BCAS3: variants seen among roughly 807,000 people sequenced by gnomAD.
BCAS3 encodes BCAS4/BCAS3 fusion.
A neutral mutation model predicts 116.1 loss-of-function variants in BCAS3; 53 were observed. The observed-to-expected ratio is 0.46, with a 90% CI of 0.37 to 0.57. The LOEUF (loss-of-function observed/expected upper bound fraction) is 0.57. Among genes scored for constraint, BCAS3 ranks in the 20% least tolerant of loss-of-function variants. The pLI, the probability that BCAS3 is intolerant of heterozygous loss-of-function variation, is 0.00. For synonymous variants in BCAS3, 391 were observed against 408.2 expected, an observed-to-expected ratio of 0.96 and a Z score of 0.51; for missense variants, 917 against 1,165.4, an observed-to-expected ratio of 0.79 and a Z score of 3.10.
At chr17:60,729,668 G>A (rs766940586) in intron 5 of BCAS3, among the ~76,000 whole-genome samples, 4 of 152,056 alleles carry the variant, frequency 2.6e-5, no homozygotes, top group Non-Finnish European at 5.9e-5. Flanking sequence ...TAATCAATGG[G>A]TTAAATCAAG....
In BCAS3 at chr17:61,037,738, C is replaced by A; in HGVS notation, c.1763-151C>A. 1 of 778,576 alleles carries A rather than the reference C, an allele frequency of 1.3e-6. No homozygotes were observed. The highest frequency in any genetic ancestry group is 1.9e-6 in the Non-Finnish European group (1 of 519,736). 48.2% of individuals were successfully genotyped at this position (778,576 alleles called of 1,614,324 possible). ...GGCAGCAAGAGCAAAACTCCATCTC[C>A]AAAAAAAAGAAAAAAAGAAAAAAAT... is the stretch of plus-strand genomic sequence containing the variant. On this transcript the variant is annotated intron_variant, in intron 17 of 23. Transcript: ENST00000407086. The surrounding 1 kb of genome is among the most constrained non-coding windows in gnomAD (Gnocchi z 4.7).
chr17:61,146,590 G>T (rs191523063), intron 22 of BCAS3, among the ~76,000 whole-genome samples: 8 of 152,180 alleles, frequency 5.3e-5, no homozygotes, highest in African/African-American at 1.9e-4. Context: ...TTTCAAAATG[G>T]AACTAAAATT....
intron 13 of BCAS3, among the ~76,000 whole-genome samples, chr17:60,939,149 G>A (rs1019451485): frequency 7.2e-5 from 11 of 152,168 alleles, no homozygotes; most frequent in African/African-American, 2.7e-4. Flanking sequence ...ACTAGAAACA[G>A]GCCAGGTGCG....
intron 13 of BCAS3, among the ~76,000 whole-genome samples, chr17:60,931,433 A>G (rs1229593356): frequency 1.3e-5 from 2 of 151,712 alleles, no homozygotes; most frequent in Non-Finnish European, 2.9e-5. Context: ...GTGCCACCAC[A>G]CCTTGCTAAT....
rs2067536719 is a variant in BCAS3, at chr17:61,041,847, C to T, written c.2029+955C>T. ...TCTCATATTATTGTTGAACTCTCTG[C>T]TTTTTCTAGGGCATTTTTATTGAGT... On this transcript the variant is annotated intron_variant, in intron 19 of 23. Coordinates refer to ENST00000407086, the MANE Select transcript of BCAS3 (RefSeq NM_017679.5). This position sits in a 1 kb window ranked among gnomAD's most constrained non-coding sequence, Gnocchi z 4.7. 6.6e-6 allele frequency among the ~76,000 whole-genome samples: 1 copy of T among 151,996 alleles called. No individual in the cohort carries two copies. The highest frequency in any genetic ancestry group is 2.1e-4 in the South Asian group (1 of 4,816).
At position 61,365,894 on chromosome 17, in the gene BCAS3, G is replaced by A. The variant is rs2058703279; in HGVS notation, c.2426-2433G>A. On this transcript the variant is annotated intron_variant, in intron 22 of 23. Coordinates refer to ENST00000407086, the MANE Select transcript of BCAS3 (RefSeq NM_017679.5). This position sits in a 1 kb window ranked among gnomAD's most constrained non-coding sequence, Gnocchi z 4.6. ...GCGGTGGCTCACACCTGGAATCCCA[G>A]CACTTTGGGAGGCCAAGACAGGTGG... Among the ~76,000 whole-genome samples, 1 of 151,846 alleles carries A rather than the reference G, an allele frequency of 6.6e-6. No individual in the cohort carries two copies. The highest frequency in any genetic ancestry group is 2.4e-5 in the African/African-American group (1 of 41,354).
At chr17:61,373,808 G>T (rs12946080) in intron 23 of BCAS3, among the ~76,000 whole-genome samples, 81,369 of 101,180 alleles carry the variant, frequency 0.8, 34,853 homozygotes, top group Non-Finnish European at 0.93. Flanking sequence ...CTTCTTCTTT[G>T]TTTTTTTTTT....
In BCAS3 at chr17:61,037,646, C is replaced by T. The variant is rs1568183425; in HGVS notation, c.1763-243C>T. ...AATTAGCCGGGTGTGGTGACAGGAG[C>T]CTGTAATCCCAGCTACTCAAGAGGC... On this transcript the variant is annotated intron_variant, in intron 17 of 23. Transcript: ENST00000407086. The surrounding 1 kb of genome is among the most constrained non-coding windows in gnomAD (Gnocchi z 4.7). Among the ~76,000 whole-genome samples the T allele has an allele frequency of 6.6e-6, 1 of 152,104 alleles. No individual in the cohort carries two copies. The highest frequency in any genetic ancestry group is 1.5e-5 in the Non-Finnish European group (1 of 68,028).
intron 5 of BCAS3, among the ~76,000 whole-genome samples, chr17:60,719,275 AGG>A (rs2038983919): frequency 6.6e-6 from 1 of 152,246 alleles, no homozygotes; most frequent in Non-Finnish European, 1.5e-5. Flanking sequence ...GGCAGCAAAA[AGG>A]TAAAGTGCAG....
chr17:61,288,217 T>C (rs1242673196), intron 22 of BCAS3, among the ~76,000 whole-genome samples: 1 of 152,190 alleles, frequency 6.6e-6, no homozygotes, highest in Admixed American at 6.5e-5. Context: ...GGAGGGAAAG[T>C]GTAAGGTCTT....
intron 11 of BCAS3, among the ~76,000 whole-genome samples, chr17:60,903,102 T>C (rs554114248): frequency 6.6e-6 from 1 of 152,324 alleles, no homozygotes; most frequent in East Asian, 1.9e-4. Flanking sequence ...CTTTTTTTCA[T>C]GTGTGTGAGG....
intron 22 of BCAS3, among the ~76,000 whole-genome samples, chr17:61,115,261 G>C (rs2075356074): frequency 6.6e-6 from 1 of 152,132 alleles, no homozygotes; most frequent in South Asian, 2.1e-4. Context: ...AAACTAAAGA[G>C]CTTCTGCACA....
intron 15 of BCAS3, among the ~76,000 whole-genome samples, chr17:60,999,932 G>A (rs2064125667): frequency 6.6e-6 from 1 of 152,000 alleles, no homozygotes; most frequent in Non-Finnish European, 1.5e-5. Context: ...TAAAGGGATT[G>A]CGTTCTTTAT....
rs1283286396 is a variant in BCAS3 at position 61,324,380 on chromosome 17, G to A, written c.2426-43947G>A. On this transcript the variant is annotated intron_variant, in intron 22 of 23. Coordinates refer to ENST00000407086, the MANE Select transcript of BCAS3 (RefSeq NM_017679.5). This position sits in a 1 kb window ranked among gnomAD's most constrained non-coding sequence, Gnocchi z 4.6. ...AGATTCACCCATTTGACCCCTGCAA[G>A]GCTGATCACTGTCAGGGCAGGGCAG... Among the ~76,000 whole-genome samples the A allele has an allele frequency of 6.6e-6, 1 of 152,224 alleles. No homozygotes were observed. Among genetic ancestry groups the A allele is most frequent in the Non-Finnish European group, 1.5e-5 (1 of 68,038 alleles).
rs746351562 is a variant in BCAS3 at position 60,933,797 on chromosome 17, C to T, written c.1087+9297C>T. Among the ~76,000 whole-genome samples the T allele has an allele frequency of 3.9e-5, 6 of 152,286 alleles. No homozygotes were observed. In the South Asian group the frequency reaches 8.3e-4, roughly 21 times the overall value. ...CAGCTTCTGGTTTATCACTACCAGACACCTATATTATTTCATTCACAATGC... is the reference window on the plus strand; with the variant it reads ...CAGCTTCTGGTTTATCACTACCAGATACCTATATTATTTCATTCACAATGC... On this transcript the variant is annotated intron_variant, in intron 13 of 23. Transcript: ENST00000407086.
chr17:60,911,119 C>CTTTTTTTTTTTT (rs1567849303), intron 12 of BCAS3, among the ~76,000 whole-genome samples: 3 of 35,312 alleles, frequency 8.5e-5, no homozygotes, highest in African/African-American at 2.5e-4. Flanking sequence ...TTCTTTTTTT[C>CTTTTTTTTTTTT]TTTCTTTTTT....
intron 5 of BCAS3, 119 bp downstream of exon 5, chr17:60,709,444 C>T: frequency 1.6e-6 from 1 of 620,738 alleles, no homozygotes; most frequent in South Asian, 1.7e-5. Flanking sequence ...GGCTGGAATG[C>T]AGTGGTGCGA....
chr17:60,788,289 A>G (rs189075793), intron 6 of BCAS3, among the ~76,000 whole-genome samples: 6 of 152,308 alleles, frequency 3.9e-5, no homozygotes, highest in Non-Finnish European at 8.8e-5. Context: ...TTAGTACTAC[A>G]AGAATTTGGA....
At chr17:60,966,648 A>C (rs1364823018) in intron 14 of BCAS3, among the ~76,000 whole-genome samples, 1 of 148,494 alleles carries the variant, frequency 6.7e-6, no homozygotes. Context: ...TTATACTTTT[A>C]CTCTATCACC....
Sources: gnomAD v4.1 joint callset for allele counts (sites outside exome capture counted in the v4.1 genomes callset) on GRCh38, gnomAD v4.1.1 for gene constraint, Gnocchi (gnomAD v3.1) non-coding constraint, MANE v1.5 for transcripts, NCBI Gene and HGNC (gene_info 2026-07-23, HGNC 2026-07-21) for gene names.